SCGN: variants seen among roughly 807,000 people sequenced by gnomAD.
SCGN encodes the protein secretagogin, EF-hand calcium binding protein, also known as secretagogin.
In SCGN, 30 loss-of-function variants were observed where a neutral mutation model predicts 39.7. The observed-to-expected ratio is 0.76, with a 90% CI of 0.57 to 1.03. The LOEUF is 1.03. SCGN is among the 50% of genes least tolerant of loss of function. The pLI, the probability that SCGN is intolerant of heterozygous loss-of-function variation, is 0.00. For synonymous variants in SCGN, 106 were observed against 114.1 expected (o/e 0.93, Z 0.45); for missense variants, 353 against 349.4 (o/e 1.01, Z -0.08).
intron 2 of SCGN, among the ~76,000 whole-genome samples, chr6:25,659,119 C>G (rs1336311578): frequency 2.0e-5 from 3 of 152,150 alleles, no homozygotes; most frequent in Admixed American, 6.6e-5. Flanking sequence ...AGCATAATGC[C>G]CAGGAACTTC....
At chr6:25,674,976 AC>A (rs1426873314) in intron 6 of SCGN, among the ~76,000 whole-genome samples, 4 of 152,190 alleles carry the variant, frequency 2.6e-5, no homozygotes, top group Admixed American at 6.5e-5. Flanking sequence ...GGAAACTTGA[AC>A]TTTTATAAAA....
At chr6:25,669,168 G>A (rs1759454408) in intron 4 of SCGN, among the ~76,000 whole-genome samples, 1 of 151,384 alleles carries the variant, frequency 6.6e-6, no homozygotes, top group Non-Finnish European at 1.5e-5. Flanking sequence ...ATTTAGTACT[G>A]AGGAGGCTTC....
At chr6:25,662,000 G>A (rs980160271) in intron 3 of SCGN, among the ~76,000 whole-genome samples, 3 of 152,096 alleles carry the variant, frequency 2.0e-5, no homozygotes, top group East Asian at 1.9e-4. Context: ...ATTGATATAA[G>A]GAAAAACTTA....
intron 10 of SCGN, among the ~76,000 whole-genome samples, chr6:25,691,793 T>C (rs76772871): frequency 0.041 from 6,286 of 152,248 alleles, 202 homozygotes; most frequent in African/African-American, 0.087. Context: ...TAGGGATTTT[T>C]TGAGGTTTGT....
At chr6:25,688,577 G>A (rs529371726) in intron 7 of SCGN, among the ~76,000 whole-genome samples, 64 of 152,204 alleles carry the variant, frequency 4.2e-4, no homozygotes, top group African/African-American at 1.4e-3. Context: ...CGAGCCCGGC[G>A]GATCACGAGG....
At chr6:25,658,233 G>A (rs1760263564) in intron 2 of SCGN, among the ~76,000 whole-genome samples, 1 of 150,964 alleles carries the variant, frequency 6.6e-6, no homozygotes, top group Admixed American at 6.6e-5. Flanking sequence ...TGGAGACGGG[G>A]TTTCACCATG....
At chr6:25,674,743 G>T (rs1759543772) in intron 6 of SCGN, among the ~76,000 whole-genome samples, 1 of 152,140 alleles carries the variant, frequency 6.6e-6, no homozygotes, top group African/African-American at 2.4e-5. Context: ...GAAAAGCTGA[G>T]GTCTGCACAC....
chr6:25,692,044 G>C (rs1759779825), intron 10 of SCGN, among the ~76,000 whole-genome samples: 1 of 152,188 alleles, frequency 6.6e-6, no homozygotes, highest in Non-Finnish European at 1.5e-5. Flanking sequence ...GACATCGTCC[G>C]TGATTCCTTT....
Position 25,691,127 on chromosome 6 carries a change from G to A in SCGN, c.702+3G>A. Reference sequence around the variant, plus strand: ...AAGACATGATGGAGCTTGTCCAGGTGAGTGCACGTTCTTCTTATTATGAAG... The same window carrying A: ...AAGACATGATGGAGCTTGTCCAGGTAAGTGCACGTTCTTCTTATTATGAAG... On this transcript the variant is annotated splice_donor_region_variant and intron_variant, in intron 10 of 10. Coordinates refer to ENST00000377961, the MANE Select transcript of SCGN (RefSeq NM_006998.4). 3.1e-6 allele frequency: 5 copies of A among 1,609,188 alleles called. No homozygotes were observed. Among genetic ancestry groups the A allele is most frequent in the Non-Finnish European group, 4.3e-6 (5 of 1,175,624 alleles).
intron 2 of SCGN, among the ~76,000 whole-genome samples, chr6:25,658,657 G>T (rs1001085556): frequency 2.3e-4 from 35 of 152,086 alleles, no homozygotes; most frequent in African/African-American, 8.2e-4. Context: ...TTCACAAAGA[G>T]ACTCACCTTC....
chr6:25,690,188 C>T (rs528867677), intron 9 of SCGN, among the ~76,000 whole-genome samples: 5 of 152,304 alleles, frequency 3.3e-5, no homozygotes, highest in South Asian at 2.1e-4. Context: ...GCTTCTGTGA[C>T]CAATTACCTA....
chr6:25,679,088 A>G (rs1156250713), intron 6 of SCGN: 1 of 152,846 alleles, frequency 6.5e-6, no homozygotes, highest in African/African-American at 2.4e-5. Flanking sequence ...CACACAGTAA[A>G]TACATCGTCC....
At chr6:25,667,397 C>G (rs1181519805) in intron 4 of SCGN, among the ~76,000 whole-genome samples, 2 of 152,130 alleles carry the variant, frequency 1.3e-5, no homozygotes, top group Admixed American at 6.5e-5. Flanking sequence ...TTAAAATTAA[C>G]TGTCTTATAT....
In SCGN at chr6:25,661,588, C is replaced by A; in HGVS notation, c.190C>A (p.Gln64Lys). 1 of 1,613,680 alleles carries A rather than the reference C, an allele frequency of 6.2e-7. No individual in the cohort carries two copies. The highest frequency in any genetic ancestry group is 8.5e-7 in the Non-Finnish European group (1 of 1,179,720). ...GAAAGCAAATTTGCACAAGGTGAAA[C>A]AGCAGTTTATGACTACCCAAGATGC... ...VMKANLHKVKQQFMTTQDASK... is the reference protein window; with the variant it reads ...VMKANLHKVKKQFMTTQDASK... Residue 64 changes from glutamine (Q) to lysine (K), a missense_variant, in exon 3 of 11, where the codon CAG becomes AAG. Physicochemically the swap from Gln to Lys is moderately conservative, Grantham distance 53 (BLOSUM62 1). Coordinates refer to ENST00000377961, the MANE Select transcript of SCGN (RefSeq NM_006998.4).
intron 10 of SCGN, among the ~76,000 whole-genome samples, chr6:25,699,489 G>T (rs888979992): frequency 6.6e-6 from 1 of 151,098 alleles, no homozygotes; most frequent in Non-Finnish European, 1.5e-5. Context: ...ACTTGGGAGG[G>T]TGAGGCTGGA....
At chr6:25,668,152 G>C (rs1007456658) in intron 4 of SCGN, among the ~76,000 whole-genome samples, 1 of 151,840 alleles carries the variant, frequency 6.6e-6, no homozygotes, top group Non-Finnish European at 1.5e-5. Context: ...TAATAATTAA[G>C]GTCCTTGCAA....
chr6:25,674,269 G>A (rs1759538041), intron 6 of SCGN, among the ~76,000 whole-genome samples: 1 of 152,192 alleles, frequency 6.6e-6, no homozygotes, highest in Non-Finnish European at 1.5e-5. Context: ...TCCACCCAAA[G>A]ATTTGAGTTT....
intron 10 of SCGN, among the ~76,000 whole-genome samples, 170 bp from the exon 11 acceptor site, chr6:25,701,037 T>C (rs566867202): frequency 6.6e-6 from 1 of 152,282 alleles, no homozygotes; most frequent in East Asian, 1.9e-4. Context: ...GGCAGAAAAC[T>C]TATCCTTGGC....
chr6:25,696,774 A>G (rs1759843470), intron 10 of SCGN, among the ~76,000 whole-genome samples: 1 of 152,140 alleles, frequency 6.6e-6, no homozygotes, highest in African/African-American at 2.4e-5. Context: ...TGATGACTTC[A>G]TTTTGACCTA....
Sources: gnomAD v4.1 joint callset for allele counts (sites outside exome capture counted in the v4.1 genomes callset) on GRCh38, gnomAD v4.1.1 for gene constraint, MANE v1.5 for transcripts, NCBI Gene and HGNC (gene_info 2026-07-23, HGNC 2026-07-21) for gene names.